AXIN1: variants seen among roughly 807,000 people sequenced by gnomAD.
The protein encoded by AXIN1 is axin-1.
AXIN1 carries 30 observed loss-of-function variants against 76.4 expected under a neutral mutation model. The observed-to-expected ratio is 0.39, with a 90% CI of 0.29 to 0.53. The LOEUF (loss-of-function observed/expected upper bound fraction) is 0.53, where lower values mean the gene tolerates loss of function less well. AXIN1 is among the 20% of genes least tolerant of loss of function. The probability of loss-of-function intolerance (pLI) is 0.66; values close to 1 mark genes in which losing one functional copy is unlikely to be tolerated. For missense variants in AXIN1, 1,140 were observed against 1,198.8 expected (o/e 0.95, Z 0.72); for synonymous variants, 545 against 501.4 (o/e 1.09, Z -1.16).
intron 2 of AXIN1, among the ~76,000 whole-genome samples, chr16:337,836 C>T (rs908098930): frequency 2.0e-5 from 3 of 152,246 alleles, no homozygotes; most frequent in Admixed American, 1.3e-4. Context: ...CTCAGCCGGG[C>T]GTGCGGCCTC....
At chr16:314,413 G>A (rs771846756) in intron 3 of AXIN1, 130 bp downstream of exon 3, 35 of 1,416,682 alleles carry the variant, frequency 2.5e-5, no homozygotes, top group Non-Finnish European at 3.1e-5. Context: ...GGACTTACAC[G>A]CTGCCATCCG....
intron 4 of AXIN1, among the ~76,000 whole-genome samples, chr16:308,573 G>C (rs536242010): frequency 1.1e-4 from 16 of 152,362 alleles, no homozygotes; most frequent in African/African-American, 3.6e-4. Context: ...CTTGTCTCTC[G>C]GGCCTCCGTC....
At chr16:347,180 C>T in intron 1 of AXIN1, 74 bp from the exon 2 acceptor site, 3 of 1,348,766 alleles carry the variant, frequency 2.2e-6, no homozygotes, top group South Asian at 2.5e-5. Flanking sequence ...TTTCTCAAGA[C>T]AAGACTCACG....
Position 298,467 on chromosome 16 carries a change from G to GT in AXIN1, c.1255-217dup, listed in dbSNP as rs2052781023. Among the ~76,000 whole-genome samples, 4 of 152,336 alleles carry GT rather than the reference G, an allele frequency of 2.6e-5. No individual in the cohort carries two copies. The South Asian group carries it at 8.3e-4, about 32-fold the overall frequency. On this transcript the variant is annotated intron_variant, in intron 5 of 10. Coordinates refer to ENST00000262320, the MANE Select transcript of AXIN1 (RefSeq NM_003502.4). The stretch of plus-strand genomic sequence containing the variant: ...ACAGCAAGGCCTCAAGGAATGCAGC[G>GT]TATGTATCGGCTGTGGGCAGAGCTC...
rs2141458007 is a variant in AXIN1, at chr16:288,023, G to A, written c.*99C>T. ...AGGGATGGGTGGTACACCCAACACT[G>A]TTCCCCATCGGGCTCCTGAGTACGA... is the stretch of plus-strand genomic sequence containing the variant. On this transcript the variant is annotated 3_prime_UTR_variant, in exon 11 of 11. Transcript: ENST00000262320. 2.5e-6 allele frequency: 4 copies of A among 1,587,136 alleles called. No homozygotes were observed. Among genetic ancestry groups the A allele is most frequent in the Non-Finnish European group, 3.4e-6 (4 of 1,165,048 alleles).
rs150030054 is a variant in AXIN1 at position 327,607 on chromosome 16, G to A, written c.879-12924C>T. 3.1e-3 allele frequency among the ~76,000 whole-genome samples: 466 copies of A among 152,340 alleles called. 1 individual carries two copies. The highest frequency in any genetic ancestry group is 0.01 in the African/African-American group (426 of 41,574). ...GTGTTTCTGCAGACTGTCCACAGGC[G>A]CAGCACAGGCGGGGCAGCCCTGGCA... On this transcript the variant is annotated intron_variant, in intron 2 of 10. Transcript: ENST00000262320.
rs2141502306 is a variant in AXIN1 at position 297,077 on chromosome 16, C to G, written c.1934G>C (p.Arg645Thr). The G allele has an allele frequency of 1.2e-6, 2 of 1,612,156 alleles. No individual in the cohort carries two copies. Among genetic ancestry groups the G allele is most frequent in the Non-Finnish European group, 1.7e-6 (2 of 1,179,922 alleles). ...TCACCCGTGGCCGGTCCTGCGGTGC[C>G]TGCTGATCTCCTTTTCCCCCTCAAT... ...WIIEGEKEIS[R>T]HRRTGHGSSG... The change falls in exon 7 of 11, where the codon AGG (arginine) becomes ACG (threonine). Residue 645 changes from arginine to threonine, a missense_variant. Coordinates refer to ENST00000262320, the MANE Select transcript of AXIN1 (RefSeq NM_003502.4).
At chr16:350,960 C>T (rs1430846047) in intron 1 of AXIN1, among the ~76,000 whole-genome samples, 1 of 151,780 alleles carries the variant, frequency 6.6e-6, no homozygotes, top group Non-Finnish European at 1.5e-5. Context: ...ACAGAAACCC[C>T]ATCTCTACTA....
At chr16:289,743 G>C in intron 9 of AXIN1, 136 bp from the exon 10 acceptor site, 1 of 1,083,450 alleles carries the variant, frequency 9.2e-7, no homozygotes, top group African/African-American at 1.6e-5. Context: ...AACACCTGGG[G>C]CCCGCAGCCC....
chr16:295,253 C>T (rs1479069200), intron 7 of AXIN1, among the ~76,000 whole-genome samples: 4 of 151,580 alleles, frequency 2.6e-5, no homozygotes, highest in East Asian at 2.0e-4. Flanking sequence ...TACTGGCACT[C>T]GCCACCACAC....
At chr16:312,421 T>C (rs2053204020) in intron 3 of AXIN1, among the ~76,000 whole-genome samples, 1 of 152,246 alleles carries the variant, frequency 6.6e-6, no homozygotes. Flanking sequence ...CATATGTCCC[T>C]TTTCTTGGAG....
intron 2 of AXIN1, among the ~76,000 whole-genome samples, chr16:334,663 G>A (rs1398907317): frequency 6.7e-6 from 1 of 148,548 alleles, no homozygotes. Context: ...CCAGTACCAT[G>A]GCATGCTAAT....
chr16:325,123 C>G (rs987095654), intron 2 of AXIN1, among the ~76,000 whole-genome samples: 1 of 151,380 alleles, frequency 6.6e-6, no homozygotes, highest in African/African-American at 2.4e-5. Context: ...GCCCCGCACC[C>G]CAGGAAACCA....
intron 2 of AXIN1, among the ~76,000 whole-genome samples, chr16:338,151 C>T (rs189478580): frequency 2.8e-4 from 42 of 152,310 alleles, no homozygotes; most frequent in Non-Finnish European, 1.0e-4. Context: ...CTGCAGGGTA[C>T]GCTGCTACAA....
chr16:303,804 C>A lies in AXIN1; in HGVS notation c.1254+500G>T, dbSNP rs532414385. On this transcript the variant is annotated intron_variant, in intron 5 of 10. Transcript: ENST00000262320. ...TTTTTAGCTGAACTAAGCAAAGAGT[C>A]CTACAACACAAGTGCCTAGAGGGCC... 9.8e-5 allele frequency among the ~76,000 whole-genome samples: 15 copies of A among 152,322 alleles called. 1 individual carries two copies. Among genetic ancestry groups the A allele is most frequent in the Admixed American group, 7.8e-4 (12 of 15,298 alleles).
chr16:346,177 A>G lies in AXIN1; in HGVS notation c.849T>C (p.Ser283=), dbSNP rs2141700291. Reference sequence around the variant, plus strand: ...ACTCTCTGCCTTCGCTGTACCGTCTACTGGAGGAGACCCTCGGGGCAGCTG... The same window carrying G: ...ACTCTCTGCCTTCGCTGTACCGTCTGCTGGAGGAGACCCTCGGGGCAGCTG... ...LETAAPRVSS[S]RRYSEGREFR... The change falls in exon 2 of 11, where the codon AGT becomes AGC. Residue 283 remains serine (S), a synonymous_variant. Transcript: ENST00000262320. The G allele has an allele frequency of 6.2e-7, 1 of 1,613,816 alleles. No individual in the cohort carries two copies. Among genetic ancestry groups the G allele is most frequent in the Non-Finnish European group, 8.5e-7 (1 of 1,180,022 alleles).
chr16:345,570 C>T (rs908518483), intron 2 of AXIN1, among the ~76,000 whole-genome samples: 8 of 152,152 alleles, frequency 5.3e-5, no homozygotes, highest in African/African-American at 9.7e-5. Context: ...CAAAATTAGC[C>T]GGGCGTGGTG....
intron 2 of AXIN1, among the ~76,000 whole-genome samples, chr16:319,910 T>C (rs1228567659): frequency 2.0e-5 from 3 of 152,218 alleles, no homozygotes; most frequent in African/African-American, 4.8e-5. Context: ...GTTTATCACA[T>C]CTGCTCTACT....
At chr16:307,989 C>G (rs576228397) in intron 4 of AXIN1, among the ~76,000 whole-genome samples, 2 of 152,352 alleles carry the variant, frequency 1.3e-5, no homozygotes, top group Non-Finnish European at 2.9e-5. Context: ...AACCACAGCC[C>G]CACCTGACAG....
Sources: gnomAD v4.1 joint callset for allele counts (sites outside exome capture counted in the v4.1 genomes callset) on GRCh38, gnomAD v4.1.1 for gene constraint, MANE v1.5 for transcripts, NCBI Gene and HGNC (gene_info 2026-07-23, HGNC 2026-07-21) for gene names.